Variants in DUSP22 observed in about 807,000 individuals in gnomAD.
The protein encoded by DUSP22 is dual specificity protein phosphatase 22.
A neutral mutation model predicts 24.5 loss-of-function variants in DUSP22; 24 were observed. That is an observed-to-expected ratio of 0.98 (90% CI 0.71 to 1.38). The LOEUF (loss-of-function observed/expected upper bound fraction) is 1.38. DUSP22 is among the 40% of genes most tolerant of loss of function. The probability of loss-of-function intolerance (pLI) is 0.00; values close to 1 mark genes in which losing one functional copy is unlikely to be tolerated. For synonymous variants in DUSP22, 160 were observed against 106.4 expected, an observed-to-expected ratio of 1.50 and a Z score of -3.10; for missense variants, 330 against 269.2, an observed-to-expected ratio of 1.23 and a Z score of -1.58.
At chr6:313,991 T>G (rs1190353558) in intron 3 of DUSP22, among the ~76,000 whole-genome samples, 2 of 152,306 alleles carry the variant, frequency 1.3e-5, no homozygotes, top group African/African-American at 2.4e-5. Context: ...ATCCATAAGC[T>G]GTGTCCTCAC....
chr6:306,401 A>G (rs1376394799), intron 2 of DUSP22, among the ~76,000 whole-genome samples: 1 of 152,308 alleles, frequency 6.6e-6, no homozygotes, highest in Non-Finnish European at 1.5e-5. Flanking sequence ...TTTTCACACT[A>G]CAAGCTATAC....
rs1760084754 is a variant in DUSP22 at position 349,595 on chromosome 6, C to G, written c.*644C>G. 1.0e-6 allele frequency: 1 copy of G among 987,852 alleles called. No homozygotes were observed. 61.2% of individuals were successfully genotyped at this position (987,852 alleles called of 1,614,324 possible). On this transcript the variant is annotated 3_prime_UTR_variant, in exon 7 of 7. Coordinates refer to ENST00000419235, the MANE Select transcript of DUSP22 (RefSeq NM_001286555.3). Reference sequence around the variant, plus strand: ...TGGGGGCAACAGGGGCCAGACTCCTCTAGAGGGAGGGTGGCTCTGGGGCCC... The same window carrying G: ...TGGGGGCAACAGGGGCCAGACTCCTGTAGAGGGAGGGTGGCTCTGGGGCCC...
chr6:300,670 C>T (rs573630369), intron 1 of DUSP22, among the ~76,000 whole-genome samples: 36 of 152,410 alleles, frequency 2.4e-4, no homozygotes, highest in Non-Finnish European at 4.1e-4. Context: ...CCTAGCAGGG[C>T]GGGTAGGTCT....
At chr6:300,409 A>G (rs1377894996) in intron 1 of DUSP22, among the ~76,000 whole-genome samples, 1 of 152,288 alleles carries the variant, frequency 6.6e-6, no homozygotes, top group Non-Finnish European at 1.5e-5. Flanking sequence ...CACACAATCA[A>G]CTTTGCACTT....
At chr6:336,374 G>C (rs945963589) in intron 4 of DUSP22, among the ~76,000 whole-genome samples, 47 of 152,408 alleles carry the variant, frequency 3.1e-4, no homozygotes, top group African/African-American at 1.1e-3. Context: ...CCCAAGCACT[G>C]GTGCACGCAC....
chr6:297,562 A>G (rs1757395539), intron 1 of DUSP22, among the ~76,000 whole-genome samples: 1 of 152,290 alleles, frequency 6.6e-6, no homozygotes. Context: ...GAGGTTTAGC[A>G]ACATCTCAGA....
At chr6:341,351 C>T (rs1759599075) in intron 4 of DUSP22, among the ~76,000 whole-genome samples, 2 of 152,424 alleles carry the variant, frequency 1.3e-5, no homozygotes, top group East Asian at 1.9e-4. Context: ...TTCAGACTCG[C>T]ACTTCTGCTT....
chr6:311,962 G>T lies in DUSP22; in HGVS notation c.138G>T (p.Glu46Asp). ...SVHDSARPML[E>D]GVKYLCIPAA... ...ACGATAGTGCCAGGCCTATGTTGGA[G>T]GTAAGAGAGCACCGTGGGGCGTGTG... Residue 46 changes from glutamate to aspartate, a missense_variant and splice_region_variant, in exon 3 of 7, where the codon GAG becomes GAT. Transcript: ENST00000419235. 6.2e-6 allele frequency: 10 copies of T among 1,610,842 alleles called. No homozygotes were observed. The highest frequency in any genetic ancestry group is 8.5e-6 in the Non-Finnish European group (10 of 1,178,242).
At position 349,537 on chromosome 6, in the gene DUSP22, G is replaced by A. The variant is rs1760079222; in HGVS notation, c.*586G>A. On this transcript the variant is annotated 3_prime_UTR_variant, in exon 7 of 7. Coordinates refer to ENST00000419235, the MANE Select transcript of DUSP22 (RefSeq NM_001286555.3). ...TCAGGGGACGAGTGGCTAAGAGCAT[G>A]GCCTCTCCCAGAACCCACCCAGGGT... The A allele has an allele frequency of 2.0e-6, 2 of 991,444 alleles. No individual in the cohort carries two copies. The highest frequency in any genetic ancestry group is 2.4e-6 in the Non-Finnish European group (2 of 834,206). 61.4% of individuals were successfully genotyped at this position (991,444 alleles called of 1,614,324 possible). A position where few individuals can be genotyped will look rare whatever the true frequency, so the allele number is the denominator to read the frequency against.
rs973094266 is a variant in DUSP22 at position 350,658 on chromosome 6, T to C, written c.*1707T>C. On this transcript the variant is annotated 3_prime_UTR_variant, in exon 7 of 7. Transcript: ENST00000419235. ...CAGCTAAAACAATTTGCCAATAAAG[T>C]ACATGTTTTTCCTAAGCCAAAAATA... The C allele has an allele frequency of 5.3e-6, 8 of 1,512,506 alleles. No homozygotes were observed. Among genetic ancestry groups the C allele is most frequent in the Admixed American group, 2.2e-5 (1 of 46,062 alleles). 93.7% of individuals were successfully genotyped at this position (1,512,506 alleles called of 1,614,324 possible).
chr6:335,276 G>C, intron 4 of DUSP22, 113 bp downstream of exon 4: 1 of 1,359,320 alleles, frequency 7.4e-7, no homozygotes, highest in Non-Finnish European at 1.0e-6. Flanking sequence ...GACCCTTGCT[G>C]ACCCTGCCAG....
intron 4 of DUSP22, among the ~76,000 whole-genome samples, 153 bp downstream of exon 4, chr6:335,316 C>T (rs573256601): frequency 3.0e-4 from 45 of 152,412 alleles, no homozygotes; most frequent in African/African-American, 9.6e-4. Context: ...CAGAGGCCAA[C>T]GCTAGGCAGG....
chr6:315,815 G>A (rs1758314681), intron 3 of DUSP22, among the ~76,000 whole-genome samples: 1 of 152,308 alleles, frequency 6.6e-6, no homozygotes, highest in Non-Finnish European at 1.5e-5. Context: ...GACAGGTACT[G>A]TGGGTAACAG....
chr6:316,423 G>A (rs1413718301), intron 3 of DUSP22, among the ~76,000 whole-genome samples: 4 of 152,302 alleles, frequency 2.6e-5, no homozygotes, highest in African/African-American at 9.6e-5. Context: ...TCTGTGCTCA[G>A]GACTTTGTCA....
Position 349,332 on chromosome 6 carries a change from A to C in DUSP22, c.*381A>C. Reference sequence around the variant, plus strand: ...GTTGTGAAAGTGTCTGTGCACATGAATGTTTGTGTGTGTGTGAACTCTTTC... The same window carrying C: ...GTTGTGAAAGTGTCTGTGCACATGACTGTTTGTGTGTGTGTGAACTCTTTC... On this transcript the variant is annotated 3_prime_UTR_variant, in exon 7 of 7. Transcript: ENST00000419235. The C allele has an allele frequency of 9.2e-7, 1 of 1,086,480 alleles. No individual in the cohort carries two copies. Among genetic ancestry groups the C allele is most frequent in the Non-Finnish European group, 1.1e-6 (1 of 892,838 alleles). The allele number at this position is 1,086,480 out of a possible 1,614,324, so 67.3% of individuals were successfully genotyped here.
chr6:324,017 G>A (rs981344460), intron 3 of DUSP22, among the ~76,000 whole-genome samples: 19 of 152,296 alleles, frequency 1.2e-4, no homozygotes, highest in Non-Finnish European at 2.8e-4. Context: ...AACTAGCAAA[G>A]GAAGATAACA....
rs936517743 is a variant in DUSP22 at position 350,334 on chromosome 6, C to T, written c.*1383C>T. 9.9e-7 allele frequency: 1 copy of T among 1,014,294 alleles called. No homozygotes were observed. The highest frequency in any genetic ancestry group is 1.2e-6 in the Non-Finnish European group (1 of 848,104). 62.8% of individuals were successfully genotyped at this position (1,014,294 alleles called of 1,614,324 possible). A position where few individuals can be genotyped will look rare whatever the true frequency, so the allele number is the denominator to read the frequency against. Reference sequence around the variant, plus strand: ...TGCAGGCATCCTGGGACGCTGTACGCAATTCAGTGGTCTAGTCCTTTATAC... The same window carrying T: ...TGCAGGCATCCTGGGACGCTGTACGTAATTCAGTGGTCTAGTCCTTTATAC... On this transcript the variant is annotated 3_prime_UTR_variant, in exon 7 of 7. Coordinates refer to ENST00000419235, the MANE Select transcript of DUSP22 (RefSeq NM_001286555.3).
intron 6 of DUSP22, 144 bp downstream of exon 6, chr6:348,418 C>G (rs952327154): frequency 2.2e-6 from 3 of 1,357,822 alleles, no homozygotes; most frequent in Non-Finnish European, 3.0e-6. Context: ...CCAGCTGCAC[C>G]CCTTCAGAAG....
intron 5 of DUSP22, among the ~76,000 whole-genome samples, chr6:346,724 CA>C (rs1759897252): frequency 6.6e-6 from 1 of 152,304 alleles, no homozygotes; most frequent in Non-Finnish European, 1.5e-5. Context: ...GGAAGCCTAA[CA>C]GTCTTTTGAC....
Sources: allele counts gnomAD v4.1 joint callset (sites outside exome capture counted in the v4.1 genomes callset), GRCh38; gene constraint gnomAD v4.1.1; transcripts MANE v1.5; gene names NCBI Gene and HGNC (gene_info 2026-07-23, HGNC 2026-07-21).